The following MCTP1 variants were observed in gnomAD, a reference collection of about 807,000 sequenced individuals.
MCTP1 encodes multiple C2 and transmembrane domain containing 1, also known as multiple C2 and transmembrane domain-containing protein 1.
Under a neutral mutation model 120.6 loss-of-function variants are expected in MCTP1, and 69 were observed. The observed-to-expected ratio is 0.57, with a 90% CI of 0.47 to 0.70. The LOEUF (loss-of-function observed/expected upper bound fraction) is 0.70, where lower values mean the gene tolerates loss of function less well. Among genes scored for constraint, MCTP1 ranks in the 30% least tolerant of loss-of-function variants. The pLI, the probability that MCTP1 is intolerant of heterozygous loss-of-function variation, is 0.00. For synonymous variants in MCTP1, 529 were observed against 493.1 expected (o/e 1.07, Z -0.96); for missense variants, 1,203 against 1,248.8 (o/e 0.96, Z 0.55).
intron 1 of MCTP1, among the ~76,000 whole-genome samples, chr5:95,189,603 C>A (rs773115398): frequency 3.3e-5 from 5 of 151,974 alleles, no homozygotes; most frequent in Admixed American, 1.3e-4. Context: ...AAGGGTATAC[C>A]AGTCAAGGAA....
chr5:94,804,286 CA>C (rs1308498842), intron 17 of MCTP1, among the ~76,000 whole-genome samples: 5 of 152,168 alleles, frequency 3.3e-5, no homozygotes, highest in Non-Finnish European at 7.3e-5. Context: ...GGACCCTGTG[CA>C]AGTCAATTAT....
intron 5 of MCTP1, among the ~76,000 whole-genome samples, chr5:94,932,387 T>G (rs916122382): frequency 3.9e-5 from 6 of 152,002 alleles, no homozygotes; most frequent in Non-Finnish European, 7.4e-5. Flanking sequence ...TTCAAAATCT[T>G]TTGCTTGGAT....
intron 1 of MCTP1, among the ~76,000 whole-genome samples, chr5:95,199,234 A>G (rs1033552351): frequency 2.0e-5 from 3 of 152,198 alleles, no homozygotes; most frequent in Non-Finnish European, 4.4e-5. Context: ...TTCCATTTCA[A>G]TTTGGTATCT....
At chr5:95,230,610 T>C (rs183147430) in intron 1 of MCTP1, among the ~76,000 whole-genome samples, 78 of 152,320 alleles carry the variant, frequency 5.1e-4, no homozygotes, top group African/African-American at 1.6e-3. Context: ...CCAGTTTGCC[T>C]GAGGCTGCAA....
At chr5:95,225,751 C>A (rs569320176) in intron 1 of MCTP1, among the ~76,000 whole-genome samples, 9 of 152,054 alleles carry the variant, frequency 5.9e-5, no homozygotes, top group Non-Finnish European at 1.3e-4. Flanking sequence ...TCCTTTGTGT[C>A]TAAGGACATT....
chr5:95,017,068 C>T (rs1159961870), intron 2 of MCTP1, among the ~76,000 whole-genome samples: 1 of 152,042 alleles, frequency 6.6e-6, no homozygotes, highest in Non-Finnish European at 1.5e-5. Flanking sequence ...AAATATATGC[C>T]TCACTTATGT....
At chr5:95,064,750 C>T (rs188481634) in intron 1 of MCTP1, among the ~76,000 whole-genome samples, 2 of 152,220 alleles carry the variant, frequency 1.3e-5, no homozygotes, top group African/African-American at 4.8e-5. Flanking sequence ...TAGAAGTTCC[C>T]TTTGATGTAG....
intron 1 of MCTP1, among the ~76,000 whole-genome samples, chr5:95,236,450 T>C (rs1755550282): frequency 6.6e-6 from 1 of 152,184 alleles, no homozygotes; most frequent in Non-Finnish European, 1.5e-5. Context: ...TTTCAGATCC[T>C]GGAAAAAATA....
intron 1 of MCTP1, among the ~76,000 whole-genome samples, chr5:95,230,459 TA>T (rs770092293): frequency 6.6e-6 from 1 of 152,126 alleles, no homozygotes; most frequent in Non-Finnish European, 1.5e-5. Context: ...GCTCCATCTT[TA>T]TTCTCATTCT....
rs115444433 is a variant in MCTP1, at chr5:95,108,443, C to G, written c.721-90959G>C. On this transcript the variant is annotated intron_variant, in intron 1 of 22. Transcript: ENST00000515393. Reference sequence around the variant, plus strand: ...CAAGATGTTAGTGATTAATAACCAGCTTAATGTGTTGCAGGCTCAAACACA... The same window carrying G: ...CAAGATGTTAGTGATTAATAACCAGGTTAATGTGTTGCAGGCTCAAACACA... Among the ~76,000 whole-genome samples, 704 of 152,236 alleles carry G rather than the reference C, an allele frequency of 4.6e-3. 3 individuals are homozygous for G. The highest frequency in any genetic ancestry group is 0.016 in the African/African-American group (651 of 41,542).
rs1306134278 is a variant in MCTP1 at position 94,871,423 on chromosome 5, TAATA to T, written c.2037-10_2037-7del. 6.4e-7 allele frequency: 1 copy of T among 1,569,690 alleles called. No individual in the cohort carries two copies. The highest frequency in any genetic ancestry group is 8.8e-7 in the Non-Finnish European group (1 of 1,140,380). ...AATGGATATCTTTAATGTTGCTGCA[TAATA>T]AATATATGTAAGAAAAAAAGATTTC... On this transcript the variant is annotated splice_region_variant and splice_polypyrimidine_tract_variant and intron_variant, in intron 13 of 22. Transcript: ENST00000515393.
intron 8 of MCTP1, among the ~76,000 whole-genome samples, chr5:94,914,006 C>T (rs963806484): frequency 1.2e-4 from 19 of 152,146 alleles, no homozygotes; most frequent in Non-Finnish European, 1.6e-4. Context: ...TCCCAAAGTG[C>T]TGGGATTACA....
rs1399677795 is a variant in MCTP1 at position 94,769,775 on chromosome 5, A to G, written c.2610+9335T>C. Among the ~76,000 whole-genome samples, 4 of 152,196 alleles carry G rather than the reference A, an allele frequency of 2.6e-5. No homozygotes were observed. The East Asian group carries it at 5.8e-4, about 22-fold the overall frequency. On this transcript the variant is annotated intron_variant, in intron 19 of 22. Coordinates refer to ENST00000515393, the MANE Select transcript of MCTP1 (RefSeq NM_024717.7). The stretch of plus-strand genomic sequence containing the variant: ...TTTGCCCCAAGAAAAAAAGACTTGT[A>G]TTGAAACTTTTAAAATAAATGAACC...
At chr5:94,774,869 T>C (rs1774952891) in intron 19 of MCTP1, among the ~76,000 whole-genome samples, 1 of 152,214 alleles carries the variant, frequency 6.6e-6, no homozygotes, top group African/African-American at 2.4e-5. Flanking sequence ...AGTTATTTCA[T>C]TGAATATAAC....
chr5:95,278,564 G>C (rs778194195), intron 1 of MCTP1, among the ~76,000 whole-genome samples: 4 of 152,110 alleles, frequency 2.6e-5, no homozygotes, highest in Admixed American at 6.5e-5. Context: ...ATCAAGAAAT[G>C]GTCTTATTTA....
intron 17 of MCTP1, among the ~76,000 whole-genome samples, chr5:94,814,756 GAAA>G (rs559901933): frequency 6.8e-6 from 1 of 147,946 alleles, no homozygotes; most frequent in African/African-American, 2.5e-5. Context: ...CATGCAGAAA[GAAA>G]AAAAAAAGTT....
intron 1 of MCTP1, among the ~76,000 whole-genome samples, chr5:95,105,183 C>T (rs148648585): frequency 5.7e-4 from 87 of 152,208 alleles, no homozygotes; most frequent in African/African-American, 2.0e-3. Context: ...TGGGATTGAA[C>T]CCAGCCAGTC....
At chr5:95,012,043 G>A (rs1013974338) in intron 2 of MCTP1, among the ~76,000 whole-genome samples, 7 of 152,048 alleles carry the variant, frequency 4.6e-5, no homozygotes, top group Non-Finnish European at 1.0e-4. Flanking sequence ...AAACCAATAC[G>A]TGGCCAAATG....
intron 1 of MCTP1, among the ~76,000 whole-genome samples, chr5:95,116,756 C>A (rs1000556462): frequency 2.6e-5 from 4 of 152,038 alleles, no homozygotes; most frequent in Admixed American, 2.6e-4. Context: ...CTTCACTTCC[C>A]TTGTTAGCTG....
Sources: allele counts gnomAD v4.1 joint callset (sites outside exome capture counted in the v4.1 genomes callset), GRCh38; gene constraint gnomAD v4.1.1; transcripts MANE v1.5; gene names NCBI Gene and HGNC (gene_info 2026-07-23, HGNC 2026-07-21).